CTNNA2: variants seen among roughly 807,000 people sequenced by gnomAD.
CTNNA2 encodes the protein catenin alpha 2.
CTNNA2 carries 42 observed loss-of-function variants against 101.0 expected under a neutral mutation model. The observed-to-expected ratio is 0.42, with a 90% CI of 0.32 to 0.54. The LOEUF (loss-of-function observed/expected upper bound fraction) is 0.54, where lower values mean the gene tolerates loss of function less well. CTNNA2 is among the 20% of genes least tolerant of loss of function. CTNNA2 has a pLI of 0.14. For synonymous variants in CTNNA2, 450 were observed against 456.4 expected (o/e 0.99, Z 0.18); for missense variants, 871 against 1,223.1 (o/e 0.71, Z 4.29).
At chr2:80,535,037 G>A (rs748301588) in intron 9 of CTNNA2, among the ~76,000 whole-genome samples, 9 of 152,112 alleles carry the variant, frequency 5.9e-5, no homozygotes, top group African/African-American at 9.7e-5. Context: ...GGGATCTAAC[G>A]GGTTGAAATA....
At chr2:79,680,438 A>T (rs1185590785) in intron 2 of CTNNA2, among the ~76,000 whole-genome samples, 1 of 152,038 alleles carries the variant, frequency 6.6e-6, no homozygotes, top group East Asian at 1.9e-4. Context: ...CTTTTCTCAC[A>T]TTGAAAAGAG....
chr2:80,247,707 G>A (rs933242063), intron 7 of CTNNA2, among the ~76,000 whole-genome samples: 6 of 151,852 alleles, frequency 4.0e-5, no homozygotes, highest in African/African-American at 7.3e-5. Flanking sequence ...GGTTGTTTAC[G>A]TCCAACTTTC....
At chr2:79,989,462 AAAAC>A (rs150303745) in intron 7 of CTNNA2, among the ~76,000 whole-genome samples, 3,760 of 152,116 alleles carry the variant, frequency 0.025, 172 homozygotes, top group African/African-American at 0.085. Flanking sequence ...CGTCTATACA[AAAAC>A]AAACAAACAA....
Position 79,745,113 on chromosome 2 carries a change from A to G in CTNNA2, c.298+531A>G, listed in dbSNP as rs1381690557. Among the ~76,000 whole-genome samples, 3 of 152,262 alleles carry G rather than the reference A, an allele frequency of 2.0e-5. No individual in the cohort carries two copies. The East Asian group carries it at 5.8e-4, about 29-fold the overall frequency. ...GTTGATTTAGCATTTTAAAATTTTG[A>G]TCTGTATAAAATATACAACATAAAG... On this transcript the variant is annotated intron_variant, in intron 3 of 18. Transcript: ENST00000402739.
chr2:80,217,486 A>G (rs1024741733), intron 7 of CTNNA2, among the ~76,000 whole-genome samples: 3 of 152,076 alleles, frequency 2.0e-5, no homozygotes, highest in African/African-American at 7.2e-5. Context: ...AGAGAACCTA[A>G]AAATTAAAGA....
intron 2 of CTNNA2, among the ~76,000 whole-genome samples, chr2:79,265,108 C>A (rs944492997): frequency 6.6e-6 from 1 of 152,122 alleles, no homozygotes; most frequent in Admixed American, 6.5e-5. Flanking sequence ...TTTGAGGAAC[C>A]ATTTTAGGAA....
intron 1 of CTNNA2, among the ~76,000 whole-genome samples, chr2:79,589,067 A>G (rs1295975430): frequency 2.0e-5 from 3 of 152,222 alleles, no homozygotes; most frequent in Admixed American, 6.5e-5. Flanking sequence ...AAACAGTCCT[A>G]GTTCTGTGTT....
intron 4 of CTNNA2, among the ~76,000 whole-genome samples, chr2:79,500,348 C>A (rs1255658785): frequency 1.3e-5 from 2 of 152,078 alleles, no homozygotes; most frequent in African/African-American, 4.8e-5. Flanking sequence ...AGGCATTATT[C>A]TTGTTTACCA....
chr2:80,093,112 A>G (rs150575147), intron 7 of CTNNA2, among the ~76,000 whole-genome samples: 2,647 of 151,986 alleles, frequency 0.017, 44 homozygotes, highest in Middle Eastern at 0.031. Flanking sequence ...CCATTAACTC[A>G]TCATTTAGCA....
chr2:79,520,799 T>C (rs1345240998), intron 1 of CTNNA2, among the ~76,000 whole-genome samples: 1 of 152,000 alleles, frequency 6.6e-6, no homozygotes, highest in Non-Finnish European at 1.5e-5. Context: ...AACACTAAAA[T>C]GACTAAGTTG....
chr2:80,057,307 A>C (rs1466883808), intron 7 of CTNNA2, among the ~76,000 whole-genome samples: 1 of 152,180 alleles, frequency 6.6e-6, no homozygotes, highest in African/African-American at 2.4e-5. Flanking sequence ...AACTGGGACA[A>C]GATAATGAAA....
At chr2:79,241,794 A>G (rs1167226786) in intron 2 of CTNNA2, among the ~76,000 whole-genome samples, 2 of 152,236 alleles carry the variant, frequency 1.3e-5, no homozygotes, top group Non-Finnish European at 2.9e-5. Flanking sequence ...ATTTTTACAT[A>G]GGGTGGAGAA....
At chr2:79,458,987 A>G (rs1670851688) in intron 4 of CTNNA2, among the ~76,000 whole-genome samples, 2 of 152,148 alleles carry the variant, frequency 1.3e-5, no homozygotes, top group Admixed American at 1.3e-4. Context: ...TTCCCATGAA[A>G]AAAAGAAATG....
In CTNNA2 at chr2:80,101,040, C is replaced by T. The variant is rs901077779; in HGVS notation, c.1056+191243C>T. On this transcript the variant is annotated intron_variant, in intron 7 of 18. Coordinates refer to ENST00000402739, the MANE Select transcript of CTNNA2 (RefSeq NM_001282597.3). ...TCTGATGTGTTTATGGGACTTCTGG[C>T]TGTTGTAAGTCTGATTAGAAAGGAG... is the stretch of plus-strand genomic sequence containing the variant. Among the ~76,000 whole-genome samples, 47 of 152,208 alleles carry T rather than the reference C, an allele frequency of 3.1e-4. 1 individual carries two copies. Among genetic ancestry groups the T allele is most frequent in the African/African-American group, 1.1e-3 (44 of 41,536 alleles).
At position 80,539,341 on chromosome 2, in the gene CTNNA2, T is replaced by C. The variant is rs534392580; in HGVS notation, c.1291-5641T>C. 1.1e-4 allele frequency among the ~76,000 whole-genome samples: 17 copies of C among 150,738 alleles called. No individual in the cohort carries two copies. In the South Asian group the frequency reaches 3.6e-3, roughly 32 times the overall value. Reference sequence around the variant, plus strand: ...TTTTTTTTGTTGTTGTTGTTGTTGTTCTTTCTAGTTCTGCTAATGATATTG... The same window carrying C: ...TTTTTTTTGTTGTTGTTGTTGTTGTCCTTTCTAGTTCTGCTAATGATATTG... On this transcript the variant is annotated intron_variant, in intron 9 of 18. Transcript: ENST00000402739.
intron 4 of CTNNA2, among the ~76,000 whole-genome samples, chr2:79,481,495 A>G (rs1671110150): frequency 6.6e-6 from 1 of 152,192 alleles, no homozygotes; most frequent in South Asian, 2.1e-4. Flanking sequence ...AAAAAAAAGA[A>G]GTTTACAATA....
At chr2:80,163,553 G>A (rs1005702029) in intron 7 of CTNNA2, among the ~76,000 whole-genome samples, 10 of 152,178 alleles carry the variant, frequency 6.6e-5, no homozygotes, top group African/African-American at 2.2e-4. Context: ...AGGTTCTATG[G>A]ACACTTGAAG....
At chr2:80,255,355 G>A (rs570895142) in intron 7 of CTNNA2, among the ~76,000 whole-genome samples, 1 of 152,080 alleles carries the variant, frequency 6.6e-6, no homozygotes, top group Admixed American at 6.6e-5. Flanking sequence ...TTCCATACGG[G>A]CTCTGGTGCC....
intron 2 of CTNNA2, among the ~76,000 whole-genome samples, chr2:79,271,879 C>T (rs1675092164): frequency 6.6e-6 from 1 of 151,926 alleles, no homozygotes. Context: ...TATTTTTTTG[C>T]TTCTCCTGAT....
Sources: gnomAD v4.1 joint callset for allele counts (sites outside exome capture counted in the v4.1 genomes callset) on GRCh38, gnomAD v4.1.1 for gene constraint, MANE v1.5 for transcripts, NCBI Gene and HGNC (gene_info 2026-07-23, HGNC 2026-07-21) for gene names.